DCP2: variants seen among roughly 807,000 people sequenced by gnomAD.
DCP2 encodes decapping mRNA 2.
In DCP2, 30 loss-of-function variants were observed where a neutral mutation model predicts 56.1. The ratio of observed to expected loss-of-function variants is 0.53; its 90% confidence interval spans 0.40 to 0.73. DCP2 has a LOEUF of 0.73. DCP2 is among the 30% of genes least tolerant of loss of function. The probability of loss-of-function intolerance (pLI) is 0.00; values close to 1 mark genes in which losing one functional copy is unlikely to be tolerated. For synonymous variants in DCP2, 197 were observed against 163.3 expected (o/e 1.21, Z -1.57); for missense variants, 533 against 502.7 (o/e 1.06, Z -0.58).
chr5:112,996,146 G>A (rs745826410), intron 4 of DCP2, among the ~76,000 whole-genome samples: 5 of 152,228 alleles, frequency 3.3e-5, no homozygotes, highest in Admixed American at 6.5e-5. Flanking sequence ...TTAGTCCATA[G>A]CAGTGGCCTT....
Position 113,017,934 on chromosome 5 carries a change from C to G in DCP2, c.*4450C>G, listed in dbSNP as rs949387739. On this transcript the variant is annotated 3_prime_UTR_variant, in exon 11 of 11. Transcript: ENST00000389063. The stretch of plus-strand genomic sequence containing the variant: ...TTGATTGCCAAGCAATCCAGTGAAT[C>G]TAAAGTAATTTTTCTCACTTTAAAG... The G allele has an allele frequency of 8.5e-5, 13 of 152,244 alleles. 1 individual carries two copies. The highest frequency in any genetic ancestry group is 8.5e-4 in the Admixed American group (13 of 15,298). 9.4% of individuals were successfully genotyped at this position (152,244 alleles called of 1,614,324 possible).
chr5:113,004,932 GC>G (rs1341146724), intron 8 of DCP2, among the ~76,000 whole-genome samples: 5 of 151,700 alleles, frequency 3.3e-5, no homozygotes. Context: ...TTCGAGATCA[GC>G]CCCGACATGG....
chr5:113,007,392 C>G (rs528637352), intron 8 of DCP2, among the ~76,000 whole-genome samples: 120 of 146,094 alleles, frequency 8.2e-4, no homozygotes, highest in Admixed American at 2.0e-3. Context: ...TTCTTTCTTT[C>G]TTTCTTTCTT....
rs1423709783 is a variant in DCP2, at chr5:113,015,181, T to A, written c.*1697T>A. ...AAGCTTTTACTGTTCTTTTCAGAAATACGGCTGCTTTGCTTGGGTCTCTTC... is the reference window on the plus strand; with the variant it reads ...AAGCTTTTACTGTTCTTTTCAGAAAAACGGCTGCTTTGCTTGGGTCTCTTC... On this transcript the variant is annotated 3_prime_UTR_variant, in exon 11 of 11. Coordinates refer to ENST00000389063, the MANE Select transcript of DCP2 (RefSeq NM_152624.6). 1 of 152,642 alleles carries A rather than the reference T, an allele frequency of 6.6e-6. No homozygotes were observed. The highest frequency in any genetic ancestry group is 2.4e-5 in the African/African-American group (1 of 41,456). 9.5% of individuals were successfully genotyped at this position (152,642 alleles called of 1,614,324 possible).
intron 1 of DCP2, among the ~76,000 whole-genome samples, chr5:112,981,774 T>C (rs1748018020): frequency 1.3e-5 from 2 of 152,146 alleles, no homozygotes; most frequent in African/African-American, 2.4e-5. Flanking sequence ...TCTAGCCTTT[T>C]TGTTTGTTTG....
intron 5 of DCP2, 59 bp from the exon 6 acceptor site, chr5:113,001,298 C>T: frequency 1.3e-6 from 2 of 1,595,864 alleles, no homozygotes; most frequent in Non-Finnish European, 1.7e-6. Context: ...GTAGGGAAAT[C>T]CTTTTATAAG....
rs141186816 is a variant in DCP2, at chr5:113,021,945, T to C, written c.*8461T>C. On this transcript the variant is annotated 3_prime_UTR_variant, in exon 11 of 11. Transcript: ENST00000389063. Reference sequence around the variant, plus strand: ...AAATGGGCTATAAATGAGGGTTCTTTGGCCATTTTGATCTAATAATAGTCT... The same window carrying C: ...AAATGGGCTATAAATGAGGGTTCTTCGGCCATTTTGATCTAATAATAGTCT... Among the ~76,000 whole-genome samples the C allele has an allele frequency of 7.9e-5, 12 of 152,356 alleles. No individual in the cohort carries two copies. The highest frequency in any genetic ancestry group is 1.2e-4 in the Non-Finnish European group (8 of 68,036).
chr5:112,992,130 A>G lies in DCP2; in HGVS notation c.215A>G (p.His72Arg), dbSNP rs1224977120. Residue 72 changes from histidine to arginine, a missense_variant, in exon 3 of 11, where the codon CAT becomes CGT. By Grantham distance (29) the His-to-Arg change is conservative. Around this residue, in one of 3 missense-constraint regions of DCP2, gnomAD observed 137 missense variants for 138.2 expected, o/e 0.99. Transcript: ENST00000389063. ...TTGACACTATTTATACTCTTCAGTC[A>G]TTGTCCGTTTTTGCTGCCTCAAGGT... Reference protein sequence around the residue: ...IRDFAKAVFSHCPFLLPQGED... With the variant: ...IRDFAKAVFSRCPFLLPQGED... 1 of 1,613,936 alleles carries G rather than the reference A, an allele frequency of 6.2e-7. No individual in the cohort carries two copies. The highest frequency in any genetic ancestry group is 1.1e-5 in the South Asian group (1 of 91,000).
chr5:113,000,061 CAAA>C (rs60251393), intron 4 of DCP2, among the ~76,000 whole-genome samples: 7 of 89,930 alleles, frequency 7.8e-5, no homozygotes, highest in African/African-American at 2.2e-4. Context: ...AACTCCATCT[CAAA>C]AAAAAAAAAA....
chr5:113,012,534 C>G (rs185486758), intron 10 of DCP2, among the ~76,000 whole-genome samples: 2 of 152,308 alleles, frequency 1.3e-5, no homozygotes, highest in South Asian at 2.1e-4. Flanking sequence ...AACCTACTTT[C>G]TGGTCAAGTC....
chr5:112,981,109 A>T (rs1011840431), intron 1 of DCP2, among the ~76,000 whole-genome samples: 8 of 152,116 alleles, frequency 5.3e-5, no homozygotes, highest in Non-Finnish European at 4.4e-5. Context: ...CCTGGACTCA[A>T]GCTATCCACT....
At chr5:112,987,119 A>G (rs905282085) in intron 2 of DCP2, among the ~76,000 whole-genome samples, 2 of 152,256 alleles carry the variant, frequency 1.3e-5, no homozygotes, top group African/African-American at 4.8e-5. Flanking sequence ...TTAACATTAT[A>G]AAAGAAGCTA....
intron 10 of DCP2, among the ~76,000 whole-genome samples, chr5:113,011,114 G>A (rs1749664044): frequency 6.6e-6 from 1 of 152,212 alleles, no homozygotes; most frequent in African/African-American, 2.4e-5. Context: ...AAAGAATCCA[G>A]TATTGTAAAG....
At chr5:112,981,069 C>T (rs536111491) in intron 1 of DCP2, among the ~76,000 whole-genome samples, 1 of 152,044 alleles carries the variant, frequency 6.6e-6, no homozygotes, top group Non-Finnish European at 1.5e-5. Context: ...ATTGCCCAGG[C>T]ATGATCATAG....
chr5:112,992,080 C>T, intron 2 of DCP2, 41 bp from the exon 3 acceptor site: 3 of 1,603,594 alleles, frequency 1.9e-6, no homozygotes, highest in Non-Finnish European at 2.5e-6. Flanking sequence ...TTTCTCAAGC[C>T]ATATTAAAGG....
chr5:112,986,083 A>G (rs1561686489), intron 2 of DCP2, 97 bp downstream of exon 2: 5 of 1,242,208 alleles, frequency 4.0e-6, no homozygotes, highest in Non-Finnish European at 3.3e-6. Context: ...TAAAACTATT[A>G]GAGAAAAACA....
Position 112,977,111 on chromosome 5 carries a change from C to T in DCP2, c.53+125C>T, listed in dbSNP as rs746195784. ...CTCGCTTTCCGCTCCCGCCGCTGCT[C>T]GCTTTCCATCGTCGACCCTGCTCTC... is the stretch of plus-strand genomic sequence containing the variant. On this transcript the variant is annotated intron_variant, in intron 1 of 10. Transcript: ENST00000389063. 14 of 670,434 alleles carry T rather than the reference C, an allele frequency of 2.1e-5. No individual in the cohort carries two copies. The East Asian group carries it at 2.9e-4, about 14-fold the overall frequency. 41.5% of individuals were successfully genotyped at this position (670,434 alleles called of 1,614,324 possible).
intron 7 of DCP2, among the ~76,000 whole-genome samples, chr5:113,003,076 A>G (rs563055613): frequency 2.0e-4 from 30 of 152,292 alleles, no homozygotes; most frequent in South Asian, 1.7e-3. Context: ...GTAGCATTCC[A>G]TTTTAGATGG....
At chr5:113,011,023 C>A (rs1749660744) in intron 10 of DCP2, among the ~76,000 whole-genome samples, 1 of 152,220 alleles carries the variant, frequency 6.6e-6, no homozygotes, top group East Asian at 1.9e-4. Flanking sequence ...TGTGCCGTTT[C>A]TTTTATGAAT....
Sources: allele counts gnomAD v4.1 joint callset (sites outside exome capture counted in the v4.1 genomes callset), GRCh38; gene constraint gnomAD v4.1.1; regional missense constraint gnomAD v4.1.1; transcripts MANE v1.5; gene names NCBI Gene and HGNC (gene_info 2026-07-23, HGNC 2026-07-21).